SLC26A4: variants seen among roughly 807,000 people sequenced by gnomAD.
The protein encoded by SLC26A4 is solute carrier family 26 member 4, also known as pendrin.
In SLC26A4, 93 loss-of-function variants were observed where a neutral mutation model predicts 90.4. The observed-to-expected ratio is 1.03, with a 90% confidence interval of 0.87 to 1.22. The LOEUF (loss-of-function observed/expected upper bound fraction) is 1.22, where lower values mean the gene tolerates loss of function less well. Among genes scored for constraint, SLC26A4 ranks in the 50% most tolerant of loss-of-function variants. The probability of loss-of-function intolerance (pLI) is 0.00; values close to 1 mark genes in which losing one functional copy is unlikely to be tolerated. For synonymous variants in SLC26A4, 393 were observed against 354.6 expected (o/e 1.11, Z -1.22); for missense variants, 1,127 against 946.2 (o/e 1.19, Z -2.51).
chr7:107,666,845 A>G (rs756069700), intron 3 of SLC26A4, among the ~76,000 whole-genome samples: 4 of 152,132 alleles, frequency 2.6e-5, no homozygotes, highest in Non-Finnish European at 2.9e-5. Flanking sequence ...TAGGAAACTC[A>G]TTTGCCTCAC....
chr7:107,666,870 T>C (rs1239470305), intron 3 of SLC26A4, among the ~76,000 whole-genome samples: 1 of 152,156 alleles, frequency 6.6e-6, no homozygotes, highest in Non-Finnish European at 1.5e-5. Flanking sequence ...TTCCTGGCCC[T>C]GTGGGGATAT....
At chr7:107,675,466 C>T (rs1791000125) in intron 6 of SLC26A4, among the ~76,000 whole-genome samples, 1 of 151,642 alleles carries the variant, frequency 6.6e-6, no homozygotes, top group Admixed American at 6.6e-5. Flanking sequence ...GTGATCGCCC[C>T]ACTGCACTCC....
At chr7:107,675,968 A>G (rs1343675150) in intron 6 of SLC26A4, among the ~76,000 whole-genome samples, 1 of 152,248 alleles carries the variant, frequency 6.6e-6, no homozygotes, top group Non-Finnish European at 1.5e-5. Flanking sequence ...AACATTAATG[A>G]AAACAAAGTG....
intron 3 of SLC26A4, among the ~76,000 whole-genome samples, chr7:107,665,113 T>C (rs557333225): frequency 1.3e-5 from 2 of 152,118 alleles, no homozygotes; most frequent in East Asian, 1.9e-4. Context: ...TTCCTGGAAG[T>C]TGAATGTCAA....
intron 3 of SLC26A4, among the ~76,000 whole-genome samples, chr7:107,665,948 G>C (rs1183224696): frequency 1.3e-5 from 2 of 152,068 alleles, no homozygotes; most frequent in African/African-American, 4.8e-5. Context: ...GTGAATTTCT[G>C]GGAGGTTAAT....
chr7:107,686,148 G>T (rs1791392391), intron 8 of SLC26A4, among the ~76,000 whole-genome samples: 1 of 151,118 alleles, frequency 6.6e-6, no homozygotes, highest in Admixed American at 6.6e-5. Flanking sequence ...AAGATTGACG[G>T]CTCTGTCCTC....
intron 18 of SLC26A4, 97 bp from the exon 19 acceptor site, chr7:107,709,957 C>T (rs1286346321): frequency 2.0e-6 from 2 of 990,268 alleles, no homozygotes; most frequent in African/African-American, 3.2e-5. Context: ...GATGCCACTG[C>T]ACTCCAGCCT....
intron 6 of SLC26A4, among the ~76,000 whole-genome samples, chr7:107,681,349 C>A (rs1473177355): frequency 2.0e-5 from 3 of 152,048 alleles, no homozygotes; most frequent in African/African-American, 4.8e-5. Flanking sequence ...TTCCAGAGAG[C>A]TGAGGTTGCT....
chr7:107,691,770 A>G, intron 10 of SLC26A4: 1 of 1,032,828 alleles, frequency 9.7e-7, no homozygotes, highest in Non-Finnish European at 1.2e-6. Context: ...ATTTTTCTTA[A>G]TTTTTTATTT....
At chr7:107,672,314 C>T (rs1790893043) in intron 4 of SLC26A4, 66 bp downstream of exon 4, 5 of 855,436 alleles carry the variant, frequency 5.8e-6, no homozygotes, top group Non-Finnish European at 9.4e-6. Context: ...ATATTAAGTG[C>T]ATTATACCTC....
chr7:107,675,285 TAAAAAAAAA>T (rs60022317), intron 6 of SLC26A4, among the ~76,000 whole-genome samples, 176 bp downstream of exon 6: 1 of 96,790 alleles, frequency 1.0e-5, no homozygotes, highest in Admixed American at 1.2e-4. Flanking sequence ...CCTCATCTCT[TAAAAAAAAA>T]AAAAAAAAAA....
In SLC26A4 at chr7:107,679,921, A is replaced by ATT. The variant is rs1452612293; in HGVS notation, c.766-3281_766-3280insTT. Among the ~76,000 whole-genome samples the ATT allele has an allele frequency of 3.8e-4, 52 of 136,904 alleles. 5 individuals are homozygous for ATT. The highest frequency in any genetic ancestry group is 1.3e-3 in the African/African-American group (46 of 36,554). The allele number at this position is 136,904 out of a possible 152,430, so 89.8% of individuals were successfully genotyped here. On this transcript the variant is annotated intron_variant, in intron 6 of 20. Coordinates refer to ENST00000644269, the MANE Select transcript of SLC26A4 (RefSeq NM_000441.2). ...AATCTTATATTATATGCTCTTATAT[A>ATT]ATATAATCTTATTATATAATCTTAT...
intron 10 of SLC26A4, chr7:107,691,777 AT>A (rs953409503): frequency 4.0e-5 from 41 of 1,028,208 alleles, no homozygotes; most frequent in South Asian, 9.3e-5. Flanking sequence ...TTAATTTTTT[AT>A]TTTTTTTGCA....
At chr7:107,713,007 T>G (rs554541302) in intron 20 of SLC26A4, among the ~76,000 whole-genome samples, 29 of 152,324 alleles carry the variant, frequency 1.9e-4, no homozygotes, top group African/African-American at 6.5e-4. Flanking sequence ...ACAGAAACCC[T>G]ATGACCTTCC....
At chr7:107,688,025 C>G (rs781469505) in intron 8 of SLC26A4, among the ~76,000 whole-genome samples, 2 of 152,078 alleles carry the variant, frequency 1.3e-5, no homozygotes, top group Non-Finnish European at 2.9e-5. Context: ...GGCAGAGAAC[C>G]AGACAGATCT....
chr7:107,670,257 T>C (rs1257718383), intron 3 of SLC26A4, among the ~76,000 whole-genome samples: 1 of 151,858 alleles, frequency 6.6e-6, no homozygotes, highest in African/African-American at 2.4e-5. Flanking sequence ...TACAGGTGCC[T>C]ACCCCCATGC....
At chr7:107,706,631 G>A (rs1331174194) in intron 18 of SLC26A4, among the ~76,000 whole-genome samples, 1 of 152,184 alleles carries the variant, frequency 6.6e-6, no homozygotes, top group Non-Finnish European at 1.5e-5. Context: ...TTCACTCATT[G>A]TAAGGCTAGC....
rs754272462 is a variant in SLC26A4 at position 107,694,582 on chromosome 7, T to A, written c.1342-39T>A. 5 of 1,563,752 alleles carry A rather than the reference T, an allele frequency of 3.2e-6. No homozygotes were observed. In the South Asian group the frequency reaches 5.5e-5, roughly 17 times the overall value. ...TTAACAATCATCACATGGAAAACCA[T>A]TCCCTGAATAACACAGCCTTCTCTG... On this transcript the variant is annotated intron_variant, in intron 11 of 20. Coordinates refer to ENST00000644269, the MANE Select transcript of SLC26A4 (RefSeq NM_000441.2).
intron 16 of SLC26A4, 133 bp from the exon 17 acceptor site, chr7:107,701,694 A>G: frequency 1.4e-6 from 1 of 701,640 alleles, no homozygotes; most frequent in African/African-American, 1.8e-5. Flanking sequence ...GGTGAAACCC[A>G]TCCTTAAAAA....
Sources: allele counts gnomAD v4.1 joint callset (sites outside exome capture counted in the v4.1 genomes callset), GRCh38; gene constraint gnomAD v4.1.1; transcripts MANE v1.5; gene names NCBI Gene and HGNC (gene_info 2026-07-23, HGNC 2026-07-21).